CACNA2D1: variants seen among roughly 807,000 people sequenced by gnomAD.
CACNA2D1 encodes voltage-dependent calcium channel subunit alpha-2/delta-1.
In CACNA2D1, 53 loss-of-function variants were observed where a neutral mutation model predicts 171.5. The ratio of observed to expected loss-of-function variants is 0.31; its 90% CI spans 0.25 to 0.39. CACNA2D1 has a LOEUF of 0.39. CACNA2D1 is among the 10% of genes least tolerant of loss of function. The pLI, the probability that CACNA2D1 is intolerant of heterozygous loss-of-function variation, is 1.00. For missense variants in CACNA2D1, 903 were observed against 1,299.8 expected, an observed-to-expected ratio of 0.69 and a Z score of 4.69; for synonymous variants, 442 against 443.1, an observed-to-expected ratio of 1.00 and a Z score of 0.03.
chr7:82,337,887 C>T (rs751306427), intron 2 of CACNA2D1, among the ~76,000 whole-genome samples: 12 of 152,154 alleles, frequency 7.9e-5, no homozygotes, highest in Non-Finnish European at 1.3e-4. Flanking sequence ...ATACTTGTCA[C>T]CTGTACATTC....
At chr7:82,399,731 T>C (rs1826152608) in intron 1 of CACNA2D1, among the ~76,000 whole-genome samples, 1 of 105,464 alleles carries the variant, frequency 9.5e-6, no homozygotes, top group South Asian at 3.5e-4. Flanking sequence ...CACACCTTCG[T>C]TCTTTCAATT....
intron 9 of CACNA2D1, among the ~76,000 whole-genome samples, chr7:82,063,429 G>A (rs891888616): frequency 1.3e-5 from 2 of 152,060 alleles, no homozygotes; most frequent in Non-Finnish European, 2.9e-5. Context: ...TGGGTTATGA[G>A]GGTTTGGACA....
intron 3 of CACNA2D1, among the ~76,000 whole-genome samples, chr7:82,232,964 C>T (rs1040704781): frequency 2.2e-5 from 3 of 134,040 alleles, no homozygotes; most frequent in Non-Finnish European, 4.8e-5. Flanking sequence ...ATTCTAAATA[C>T]ATAAAAAATT....
At chr7:82,050,389 T>A in intron 10 of CACNA2D1, 1 of 568,056 alleles carries the variant, frequency 1.8e-6, no homozygotes, top group South Asian at 2.3e-5. Flanking sequence ...CAGAGTAACA[T>A]CTTTGTTTGC....
chr7:82,056,396 T>G (rs2131349412), intron 10 of CACNA2D1, among the ~76,000 whole-genome samples: 1 of 152,232 alleles, frequency 6.6e-6, no homozygotes, highest in South Asian at 2.1e-4. Context: ...GATGTCTTTG[T>G]TTTGCATCAA....
intron 3 of CACNA2D1, among the ~76,000 whole-genome samples, chr7:82,291,106 C>T (rs1464924731): frequency 7.2e-6 from 1 of 139,652 alleles, no homozygotes; most frequent in Non-Finnish European, 1.6e-5. Context: ...CTCCAAACCC[C>T]ATCCCCTACT....
At chr7:82,189,032 G>T (rs1287694266) in intron 3 of CACNA2D1, among the ~76,000 whole-genome samples, 6 of 150,030 alleles carry the variant, frequency 4.0e-5, no homozygotes, top group Non-Finnish European at 6.0e-5. Context: ...TAGAGGGCGG[G>T]AGGAGGGTGA....
At chr7:82,102,702 G>A (rs567605943) in intron 6 of CACNA2D1, among the ~76,000 whole-genome samples, 12 of 152,092 alleles carry the variant, frequency 7.9e-5, no homozygotes, top group Non-Finnish European at 1.8e-4. Flanking sequence ...CAGAAAGAGA[G>A]TTCCAGAGGG....
chr7:82,420,139 T>C (rs1828583914), intron 1 of CACNA2D1, among the ~76,000 whole-genome samples: 1 of 152,262 alleles, frequency 6.6e-6, no homozygotes, highest in Non-Finnish European at 1.5e-5. Context: ...GTTAATACTA[T>C]GTTCCATAGA....
At chr7:82,310,976 C>T (rs749522434) in intron 3 of CACNA2D1, among the ~76,000 whole-genome samples, 16 of 152,062 alleles carry the variant, frequency 1.1e-4, no homozygotes, top group East Asian at 1.9e-4. Flanking sequence ...AGAGACAATC[C>T]GGCTTATTTG....
At chr7:82,345,521 A>T (rs1353953822) in intron 2 of CACNA2D1, among the ~76,000 whole-genome samples, 1 of 152,246 alleles carries the variant, frequency 6.6e-6, no homozygotes, top group Non-Finnish European at 1.5e-5. Context: ...CTTCATAACA[A>T]CAATGTGACA....
At chr7:82,302,047 A>G (rs1382618312) in intron 3 of CACNA2D1, among the ~76,000 whole-genome samples, 2 of 152,142 alleles carry the variant, frequency 1.3e-5, no homozygotes, top group Non-Finnish European at 2.9e-5. Flanking sequence ...GGCATGAGCC[A>G]CCGCCTGGCC....
chr7:82,365,795 T>A (rs541556889), intron 1 of CACNA2D1, among the ~76,000 whole-genome samples: 2 of 152,244 alleles, frequency 1.3e-5, no homozygotes, highest in Non-Finnish European at 2.9e-5. Context: ...TGAAGTGTTA[T>A]AGGTGGCTAA....
chr7:81,980,289 A>T (rs1044957838), intron 24 of CACNA2D1, among the ~76,000 whole-genome samples: 26 of 151,436 alleles, frequency 1.7e-4, no homozygotes, highest in Non-Finnish European at 3.8e-4. Flanking sequence ...CCATGTAGCA[A>T]GTGATTTAGG....
At position 82,349,602 on chromosome 7, in the gene CACNA2D1, G is replaced by A; in HGVS notation, c.143C>T (p.Ala48Val). ...DKMQEDLVTL[A>V]KTASGVNQLV... ...CTGATTGACTCCACTTGCTGTTTTTGCCAGTGTGACAAGGTCTTCTTGCAT... is the reference window on the plus strand; with the variant it reads ...CTGATTGACTCCACTTGCTGTTTTTACCAGTGTGACAAGGTCTTCTTGCAT... The change falls in exon 2 of 39, where the codon GCA becomes GTA. Residue 48 changes from alanine (A) to valine (V), a missense_variant. Ala to Val is a moderately conservative substitution (Grantham distance 64). Around this residue, in one of 5 missense-constraint regions of CACNA2D1, gnomAD observed 189 missense variants for 266.8 expected, o/e 0.71. Transcript: ENST00000356860. The A allele has an allele frequency of 1.2e-6, 2 of 1,613,940 alleles. No individual in the cohort carries two copies. Among genetic ancestry groups the A allele is most frequent in the Non-Finnish European group, 1.7e-6 (2 of 1,179,854 alleles).
chr7:82,062,021 G>A (rs1023133642), intron 9 of CACNA2D1, among the ~76,000 whole-genome samples: 2 of 152,186 alleles, frequency 1.3e-5, no homozygotes, highest in Non-Finnish European at 2.9e-5. Context: ...ATAATGGCTA[G>A]TAATTATTTA....
At chr7:81,972,056 A>AT (rs1377174574) in intron 25 of CACNA2D1, among the ~76,000 whole-genome samples, 192 bp from the exon 26 acceptor site, 1 of 151,634 alleles carries the variant, frequency 6.6e-6, no homozygotes, top group Non-Finnish European at 1.5e-5. Flanking sequence ...AAATGAATGG[A>AT]TTTAGTAGTA....
chr7:82,176,940 T>A (rs1796596466), intron 3 of CACNA2D1, among the ~76,000 whole-genome samples: 1 of 152,056 alleles, frequency 6.6e-6, no homozygotes, highest in Admixed American at 6.6e-5. Flanking sequence ...TTTATTTCAG[T>A]GGCCTCTGCC....
chr7:82,156,541 A>G (rs1794391938), intron 4 of CACNA2D1, among the ~76,000 whole-genome samples: 2 of 152,224 alleles, frequency 1.3e-5, no homozygotes, highest in South Asian at 4.1e-4. Flanking sequence ...TTATTTTTAA[A>G]AAAGAAAATT....
Sources: allele counts gnomAD v4.1 joint callset (sites outside exome capture counted in the v4.1 genomes callset), GRCh38; gene constraint gnomAD v4.1.1; regional missense constraint gnomAD v4.1.1; transcripts MANE v1.5; gene names NCBI Gene and HGNC (gene_info 2026-07-23, HGNC 2026-07-21).